The following GTF2F1 variants were observed in gnomAD, a reference collection of about 807,000 sequenced individuals.
GTF2F1 encodes general transcription factor IIF subunit 1.
GTF2F1 carries 39 observed loss-of-function variants against 63.5 expected under a neutral mutation model. The observed-to-expected ratio is 0.61, with a 90% CI of 0.48 to 0.80. GTF2F1 has a LOEUF of 0.80. Ranked by LOEUF, GTF2F1 falls within the 30% of genes least tolerant of loss-of-function variation. GTF2F1 has a pLI of 0.00. For missense variants in GTF2F1, 657 were observed against 718.3 expected (o/e 0.91, Z 0.97); for synonymous variants, 287 against 285.3 (o/e 1.01, Z -0.06).
Position 6,387,394 on chromosome 19 carries a change from C to A in GTF2F1, c.492G>T (p.Trp164Cys), listed in dbSNP as rs1005375043. The change falls in exon 5 of 13, where the codon TGG becomes TGT. Residue 164 changes from tryptophan to cysteine, a missense_variant. Trp to Cys is a radical substitution (Grantham distance 215). Coordinates refer to ENST00000394456, the MANE Select transcript of GTF2F1 (RefSeq NM_002096.3). ...CCACCACCCAGCCCACTCACCTCTCCCACTCCTCCTCGGCCTCCTCGGCAG... is the reference window on the plus strand; with the variant it reads ...CCACCACCCAGCCCACTCACCTCTCACACTCCTCCTCGGCCTCCTCGGCAG... Reference protein sequence around the residue: ...TLTAEEAEEEWERRNKVLNHF... With the variant: ...TLTAEEAEEECERRNKVLNHF... 1 of 1,613,998 alleles carries A rather than the reference C, an allele frequency of 6.2e-7. No homozygotes were observed. The highest frequency in any genetic ancestry group is 1.1e-5 in the South Asian group (1 of 91,068).
Position 6,393,082 on chromosome 19 carries a change from G to A in GTF2F1, c.-87C>T. The A allele has an allele frequency of 6.4e-7, 1 of 1,556,150 alleles. No homozygotes were observed. The highest frequency in any genetic ancestry group is 8.8e-7 in the Non-Finnish European group (1 of 1,130,716). On this transcript the variant is annotated 5_prime_UTR_variant, in exon 1 of 13. Transcript: ENST00000394456. Reference sequence around the variant, plus strand: ...CGCGTCCCTCGATCCCGGGGAAGCCGCCGCTCGGTGTCGGGTCTCTGTGCC... The same window carrying A: ...CGCGTCCCTCGATCCCGGGGAAGCCACCGCTCGGTGTCGGGTCTCTGTGCC...
At chr19:6,386,320 G>A (rs548701463) in intron 5 of GTF2F1, among the ~76,000 whole-genome samples, 49 of 151,796 alleles carry the variant, frequency 3.2e-4, no homozygotes, top group African/African-American at 1.1e-3. Flanking sequence ...CCTAGGAGTC[G>A]GAGGTTGCAG....
chr19:6,393,026 G>T lies in GTF2F1; in HGVS notation c.-31C>A, dbSNP rs758953117. On this transcript the variant is annotated 5_prime_UTR_variant, in exon 1 of 13. Transcript: ENST00000394456. ...ATGGTCAGTGGTTCCGATCTGGTCC[G>T]ACCCGGGTTCCTTTCGTCTCCTCTG... 1 of 1,613,072 alleles carries T rather than the reference G, an allele frequency of 6.2e-7. No individual in the cohort carries two copies. The highest frequency in any genetic ancestry group is 1.7e-5 in the Admixed American group (1 of 59,988).
In GTF2F1 at chr19:6,381,097, C is replaced by A. The variant is rs757286429; in HGVS notation, c.1092+25G>T. 2 of 1,607,222 alleles carry A rather than the reference C, an allele frequency of 1.2e-6. No homozygotes were observed. Among genetic ancestry groups the A allele is most frequent in the Non-Finnish European group, 1.7e-6 (2 of 1,177,022 alleles). ...AGTCTGCAAACAGACGCCCAGGCCT[C>A]CCCCGCCACCGGGCTGGGCCTTACC... On this transcript the variant is annotated intron_variant, in intron 10 of 12. Coordinates refer to ENST00000394456, the MANE Select transcript of GTF2F1 (RefSeq NM_002096.3). This position sits in a 1 kb window ranked among gnomAD's most constrained non-coding sequence, Gnocchi z 4.1.
intron 3 of GTF2F1, among the ~76,000 whole-genome samples, chr19:6,391,248 C>G (rs1220917721): frequency 6.6e-6 from 1 of 152,082 alleles, no homozygotes; most frequent in African/African-American, 2.4e-5. Context: ...CTTTCTAGAG[C>G]CTCTGATGGC....
intron 4 of GTF2F1, 48 bp from the exon 5 acceptor site, chr19:6,387,607 C>CATAAT (rs759382070): frequency 3.4e-6 from 5 of 1,478,746 alleles, no homozygotes; most frequent in Non-Finnish European, 4.7e-6. Context: ...CCAGCCCCAG[C>CATAAT]CCCCCCGTGT....
At chr19:6,391,449 T>TG (rs1568332416) in intron 3 of GTF2F1, among the ~76,000 whole-genome samples, 1 of 134,112 alleles carries the variant, frequency 7.5e-6, no homozygotes, top group East Asian at 2.1e-4. Flanking sequence ...GTTTTTTTTT[T>TG]TTTTTTTTTT....
In GTF2F1 at chr19:6,381,438, C is replaced by T. The variant is rs771848689; in HGVS notation, c.939G>A (p.Glu313=). ...CCTTGTCCTCCTCAGGCGGCTTCTCCTCCTCACTCTCCTCACTACTGTCGC... is the reference window on the plus strand; with the variant it reads ...CCTTGTCCTCCTCAGGCGGCTTCTCTTCCTCACTCTCCTCACTACTGTCGC... ...EQSDSSEESE[E]EKPPEEDKEE... Residue 313 remains glutamate, a synonymous_variant, in exon 9 of 13, where the codon GAG becomes GAA. Transcript: ENST00000394456. This position sits in a 1 kb window ranked among gnomAD's most constrained non-coding sequence, Gnocchi z 4.1. The T allele has an allele frequency of 6.2e-6, 10 of 1,609,378 alleles. No homozygotes were observed. The highest frequency in any genetic ancestry group is 8.5e-6 in the Non-Finnish European group (10 of 1,179,742).
At chr19:6,392,931 G>C in intron 1 of GTF2F1, 28 bp from the exon 2 acceptor site, 2 of 1,614,142 alleles carry the variant, frequency 1.2e-6, no homozygotes, top group South Asian at 2.2e-5. Flanking sequence ...GGTGAGTGAG[G>C]GGTCGCCGAG....
intron 5 of GTF2F1, chr19:6,386,801 G>A (rs2091975719): frequency 6.5e-6 from 1 of 152,722 alleles, no homozygotes; most frequent in Admixed American, 6.5e-5. Context: ...CTGCTCATCT[G>A]TGACCTGTGC....
At chr19:6,385,641 G>T (rs2091971356) in intron 5 of GTF2F1, among the ~76,000 whole-genome samples, 1 of 152,250 alleles carries the variant, frequency 6.6e-6, no homozygotes, top group Middle Eastern at 3.4e-3. Flanking sequence ...TGTTCCAGGG[G>T]AGCAGGGGTA....
Position 6,383,909 on chromosome 19 carries a change from G to A in GTF2F1, c.498-414C>T, listed in dbSNP as rs1420321538. Reference sequence around the variant, plus strand: ...CCTCCTGGCTTCAAGCAATTCTCCTGACTCAGCCTCCCAGATAGCCGGGGT... The same window carrying A: ...CCTCCTGGCTTCAAGCAATTCTCCTAACTCAGCCTCCCAGATAGCCGGGGT... On this transcript the variant is annotated intron_variant, in intron 5 of 12. Transcript: ENST00000394456. This position sits in a 1 kb window ranked among gnomAD's most constrained non-coding sequence, Gnocchi z 4.5. Among the ~76,000 whole-genome samples, 1 of 151,474 alleles carries A rather than the reference G, an allele frequency of 6.6e-6. No individual in the cohort carries two copies. The highest frequency in any genetic ancestry group is 2.0e-4 in the East Asian group (1 of 5,116).
rs763344157 is a variant in GTF2F1 at position 6,383,520 on chromosome 19, C to T, written c.498-25G>A. 1.9e-6 allele frequency: 3 copies of T among 1,606,434 alleles called. No individual in the cohort carries two copies. The highest frequency in any genetic ancestry group is 2.7e-5 in the African/African-American group (2 of 74,972). On this transcript the variant is annotated intron_variant, in intron 5 of 12. Coordinates refer to ENST00000394456, the MANE Select transcript of GTF2F1 (RefSeq NM_002096.3). The surrounding 1 kb of genome is among the most constrained non-coding windows in gnomAD (Gnocchi z 4.5). ...CCTGCGGGCCAGGCACAGGGGGGCTCATGCCGGGCCTGGCACCACCCTGCA... is the reference window on the plus strand; with the variant it reads ...CCTGCGGGCCAGGCACAGGGGGGCTTATGCCGGGCCTGGCACCACCCTGCA...
Position 6,383,254 on chromosome 19 carries a change from AC to A in GTF2F1, c.682+56del. On this transcript the variant is annotated intron_variant, in intron 6 of 12. Transcript: ENST00000394456. The surrounding 1 kb of genome is among the most constrained non-coding windows in gnomAD (Gnocchi z 4.5). Reference sequence around the variant, plus strand: ...GTGAGCGATGGTAGACTTTGCCTTCACTGGCACTGCCTGAGCAGGCACCTCT... The same window carrying A: ...GTGAGCGATGGTAGACTTTGCCTTCATGGCACTGCCTGAGCAGGCACCTCT... 1 of 1,563,738 alleles carries A rather than the reference AC, an allele frequency of 6.4e-7. No individual in the cohort carries two copies. Among genetic ancestry groups the A allele is most frequent in the Admixed American group, 1.7e-5 (1 of 59,680 alleles).
chr19:6,387,493 G>A lies in GTF2F1; in HGVS notation c.393C>T (p.Pro131=), dbSNP rs577787297. The A allele has an allele frequency of 1.1e-4, 173 of 1,614,060 alleles. 1 individual carries two copies. The highest frequency in any genetic ancestry group is 3.0e-4 in the Admixed American group (18 of 60,008). The stretch of plus-strand genomic sequence containing the variant: ...CGGGGAAGGCCTCGAAGGCCCCGTC[G>A]GGGCACTGGGTGAAGATGTAGTAGG... ...NTSYYIFTQC[P]DGAFEAFPVH... The change falls in exon 5 of 13, where the codon CCC becomes CCT. Residue 131 remains proline, a synonymous_variant. Transcript: ENST00000394456.
intron 6 of GTF2F1, among the ~76,000 whole-genome samples, chr19:6,382,884 C>T (rs143453556): frequency 2.1e-3 from 325 of 152,068 alleles, no homozygotes; most frequent in Non-Finnish European, 3.8e-3. Flanking sequence ...ACTGCTCCTC[C>T]AGGCGGCCTC....
chr19:6,381,618 G>T lies in GTF2F1; in HGVS notation c.837-3C>A, dbSNP rs368799788. The T allele has an allele frequency of 4.2e-5, 68 of 1,613,846 alleles. No individual in the cohort carries two copies. Among genetic ancestry groups the T allele is most frequent in the Non-Finnish European group, 4.7e-5 (55 of 1,180,034 alleles). On this transcript the variant is annotated splice_polypyrimidine_tract_variant and splice_region_variant and intron_variant, in intron 7 of 12. Transcript: ENST00000394456. This position sits in a 1 kb window ranked among gnomAD's most constrained non-coding sequence, Gnocchi z 4.1. ...TCTCAGGCTCTTCTTGGGAGCTACT[G>T]TAAGACGGGGATGGCAAAGGATGAG...
At chr19:6,391,721 G>A (rs1159707982) in intron 3 of GTF2F1, among the ~76,000 whole-genome samples, 181 bp downstream of exon 3, 1 of 152,004 alleles carries the variant, frequency 6.6e-6, no homozygotes, top group Non-Finnish European at 1.5e-5. Context: ...CCAAAGTGCT[G>A]GGATTACAGG....
At chr19:6,385,867 C>T (rs532384242) in intron 5 of GTF2F1, among the ~76,000 whole-genome samples, 27 of 152,096 alleles carry the variant, frequency 1.8e-4, no homozygotes, top group African/African-American at 6.0e-4. Context: ...AGGCAGATCA[C>T]GAGGTCAGGA....
Sources: allele counts gnomAD v4.1 joint callset (sites outside exome capture counted in the v4.1 genomes callset), GRCh38; gene constraint gnomAD v4.1.1; non-coding constraint Gnocchi (gnomAD v3.1); transcripts MANE v1.5; gene names NCBI Gene and HGNC (gene_info 2026-07-23, HGNC 2026-07-21).